Variants in MTSS1 observed in about 807,000 individuals in gnomAD.
MTSS1 encodes the protein protein MTSS 1.
In MTSS1, 18 loss-of-function variants were observed where a neutral mutation model predicts 79.0. That is an observed-to-expected ratio of 0.23 (90% CI 0.16 to 0.34). MTSS1 has a LOEUF of 0.34. Among genes scored for constraint, MTSS1 ranks in the 10% least tolerant of loss-of-function variants. The pLI is 1.00. For synonymous variants in MTSS1, 341 were observed against 368.6 expected, an observed-to-expected ratio of 0.93 and a Z score of 0.86; for missense variants, 815 against 986.2, an observed-to-expected ratio of 0.83 and a Z score of 2.33.
At chr8:124,626,183 A>T (rs755031781) in intron 3 of MTSS1, among the ~76,000 whole-genome samples, 1 of 152,232 alleles carries the variant, frequency 6.6e-6, no homozygotes, top group Non-Finnish European at 1.5e-5. Flanking sequence ...ATGGGACAGG[A>T]AGTTGCAGGT....
At chr8:124,596,590 C>G (rs1832806361) in intron 3 of MTSS1, among the ~76,000 whole-genome samples, 1 of 152,198 alleles carries the variant, frequency 6.6e-6, no homozygotes, top group African/African-American at 2.4e-5. Flanking sequence ...CACAAGCGTC[C>G]ACTGAGTATT....
At position 124,697,601 on chromosome 8, in the gene MTSS1, T is replaced by C. The variant is rs554874926; in HGVS notation, c.208+1925A>G. On this transcript the variant is annotated intron_variant, in intron 3 of 13. Transcript: ENST00000518547. ...ACAAACAAACAAAAAAAAAACCCTATACTGATGGCTATTACAGAAAGATAA... is the reference window on the plus strand; with the variant it reads ...ACAAACAAACAAAAAAAAAACCCTACACTGATGGCTATTACAGAAAGATAA... 7.9e-5 allele frequency among the ~76,000 whole-genome samples: 12 copies of C among 151,862 alleles called. No individual in the cohort carries two copies. The East Asian group carries it at 9.7e-4, about 12-fold the overall frequency.
At chr8:124,682,933 G>C (rs1299226009) in intron 3 of MTSS1, among the ~76,000 whole-genome samples, 7 of 152,182 alleles carry the variant, frequency 4.6e-5, no homozygotes, top group Non-Finnish European at 1.0e-4. Flanking sequence ...AAATGGCTGG[G>C]ATCTGAACCA....
chr8:124,665,946 C>A (rs1256227850), intron 3 of MTSS1, among the ~76,000 whole-genome samples: 1 of 151,906 alleles, frequency 6.6e-6, no homozygotes, highest in East Asian at 1.9e-4. Context: ...ATGAGTCTCA[C>A]GATTTTGGGC....
intron 1 of MTSS1, among the ~76,000 whole-genome samples, chr8:124,710,877 G>A (rs925413095): frequency 1.3e-5 from 2 of 152,156 alleles, no homozygotes; most frequent in African/African-American, 2.4e-5. Context: ...GAGGACTTAC[G>A]TGAGGAGGAA....
rs1829402843 is a variant in MTSS1 at position 124,699,574 on chromosome 8, A to C, written c.160T>G (p.Phe54Val). The C allele has an allele frequency of 6.2e-7, 1 of 1,614,086 alleles. No homozygotes were observed. Among genetic ancestry groups the C allele is most frequent in the African/African-American group, 1.3e-5 (1 of 74,944 alleles). ...GCCACTTTCTGAAAGGCGTCCAAGA[A>C]GGCAGCTGCTGCTACTACTGTTGTC... ...LRTTVVAAAA[F>V]LDAFQKVADM... is the part of the protein sequence containing the mutation. Residue 54 changes from phenylalanine to valine, a missense_variant, in exon 3 of 14, where the codon TTC becomes GTC. Around this residue, in one of 2 missense-constraint regions of MTSS1, gnomAD observed 225 missense variants for 365.4 expected, o/e 0.62. Coordinates refer to ENST00000518547, the MANE Select transcript of MTSS1 (RefSeq NM_014751.6).
intron 5 of MTSS1, among the ~76,000 whole-genome samples, chr8:124,586,919 T>C (rs1385794153): frequency 1.3e-5 from 2 of 152,180 alleles, no homozygotes; most frequent in Non-Finnish European, 1.5e-5. Flanking sequence ...ATTGGATGAG[T>C]AGACCTCTCT....
chr8:124,557,813 T>C lies in MTSS1; in HGVS notation c.1098A>G (p.Ala366=). The part of the protein sequence containing the change: ...SSESHVGPTG[A]GLFPHCLPAS... ...CAGGCAGGCAATGAGGGAAAAGGCC[T>C]GCACCCGTGGGCCCCACGTGGGACT... Residue 366 remains alanine, a synonymous_variant, in exon 11 of 14, where the codon GCA becomes GCG. Transcript: ENST00000518547. 3 of 1,601,342 alleles carry C rather than the reference T, an allele frequency of 1.9e-6. No individual in the cohort carries two copies. The highest frequency in any genetic ancestry group is 2.6e-6 in the Non-Finnish European group (3 of 1,174,426).
chr8:124,720,307 G>A lies in MTSS1; in HGVS notation c.72+7577C>T, dbSNP rs74724585. ...CAGGTGTCCTCACACAAAAGGTTAA[G>A]GCAGGACTGCCACATTCGGCCCATG... is the stretch of plus-strand genomic sequence containing the variant. On this transcript the variant is annotated intron_variant, in intron 1 of 13. Transcript: ENST00000518547. Among the ~76,000 whole-genome samples the A allele has an allele frequency of 3.2e-3, 487 of 152,310 alleles. 1 individual carries two copies. Among genetic ancestry groups the A allele is most frequent in the African/African-American group, 0.011 (466 of 41,554 alleles).
At chr8:124,604,865 C>T (rs1834522429) in intron 3 of MTSS1, among the ~76,000 whole-genome samples, 1 of 147,418 alleles carries the variant, frequency 6.8e-6, no homozygotes, top group East Asian at 2.0e-4. Context: ...AAACAAAACC[C>T]ACACACAATC....
chr8:124,659,952 C>T (rs1821691664), intron 3 of MTSS1, among the ~76,000 whole-genome samples: 1 of 152,196 alleles, frequency 6.6e-6, no homozygotes, highest in Non-Finnish European at 1.5e-5. Context: ...TCTCTTACTC[C>T]TAAAACCAGA....
At position 124,727,531 on chromosome 8, in the gene MTSS1, A is replaced by C; in HGVS notation, c.72+353T>G. ...GGAGGAATCAGGTGTCCTCCCGGGC[A>C]TCCAGCCCCCGCGGGTCCCAGACAC... On this transcript the variant is annotated intron_variant, in intron 1 of 13. Transcript: ENST00000518547. This position sits in a 1 kb window ranked among gnomAD's most constrained non-coding sequence, Gnocchi z 4.7. The C allele has an allele frequency of 1.5e-5, 7 of 473,588 alleles. No homozygotes were observed. Among genetic ancestry groups the C allele is most frequent in the Non-Finnish European group, 2.9e-5 (7 of 239,000 alleles). The allele number at this position is 473,588 out of a possible 1,614,324, so 29.3% of individuals were successfully genotyped here.
chr8:124,552,787 A>C lies in MTSS1; in HGVS notation c.*205T>G. The stretch of plus-strand genomic sequence containing the variant: ...TAAAATGTGCAGAAAGAAAATTGTC[A>C]ATATTTACAAATTAAAAGATCAAGA... On this transcript the variant is annotated 3_prime_UTR_variant, in exon 14 of 14. Transcript: ENST00000518547. The C allele has an allele frequency of 4.0e-6, 2 of 496,026 alleles. No individual in the cohort carries two copies. Among genetic ancestry groups the C allele is most frequent in the Non-Finnish European group, 7.0e-6 (2 of 286,382 alleles). The allele number at this position is 496,026 out of a possible 1,614,324, so 30.7% of individuals were successfully genotyped here. A position where few individuals can be genotyped will look rare whatever the true frequency, so the allele number is the denominator to read the frequency against.
chr8:124,606,672 G>C (rs879836049), intron 3 of MTSS1, among the ~76,000 whole-genome samples: 1 of 148,408 alleles, frequency 6.7e-6, no homozygotes, highest in African/African-American at 2.5e-5. Flanking sequence ...CCCCACCCCC[G>C]ATCCTATAAC....
intron 3 of MTSS1, among the ~76,000 whole-genome samples, chr8:124,669,718 T>C (rs1046154155): frequency 6.6e-6 from 1 of 152,230 alleles, no homozygotes; most frequent in African/African-American, 2.4e-5. Flanking sequence ...TTATAGATCA[T>C]GTGCTAAAAT....
At chr8:124,558,070 A>G (rs1824404856) in intron 10 of MTSS1, 195 bp from the exon 11 acceptor site, 3 of 545,688 alleles carry the variant, frequency 5.5e-6, no homozygotes, top group South Asian at 2.7e-5. Flanking sequence ...AAGAATGCAC[A>G]TGAGTTTGAC....
chr8:124,637,611 C>T (rs1817254523), intron 3 of MTSS1, among the ~76,000 whole-genome samples: 1 of 150,962 alleles, frequency 6.6e-6, no homozygotes. Context: ...GGCCCAGCTG[C>T]TGTTTCATGC....
chr8:124,620,014 C>T (rs950730581), intron 3 of MTSS1, among the ~76,000 whole-genome samples: 3 of 149,830 alleles, frequency 2.0e-5, no homozygotes, highest in African/African-American at 5.1e-5. Context: ...TGCAATGGCG[C>T]GATCTTGGCT....
intron 6 of MTSS1, among the ~76,000 whole-genome samples, chr8:124,570,278 A>G (rs530603599): frequency 2.0e-5 from 3 of 152,338 alleles, no homozygotes; most frequent in African/African-American, 7.2e-5. Context: ...CTTTGTGTAT[A>G]TAACTCTCAT....
Sources: gnomAD v4.1 joint callset for allele counts (sites outside exome capture counted in the v4.1 genomes callset) on GRCh38, gnomAD v4.1.1 for gene constraint, gnomAD v4.1.1 regional missense constraint, Gnocchi (gnomAD v3.1) non-coding constraint, MANE v1.5 for transcripts, NCBI Gene and HGNC (gene_info 2026-07-23, HGNC 2026-07-21) for gene names.